Variants in SHANK2 observed in about 807,000 individuals in gnomAD.
SHANK2 encodes SH3 and multiple ankyrin repeat domains protein 2.
In SHANK2, 43 loss-of-function variants were observed where a neutral mutation model predicts 133.7. The ratio of observed to expected loss-of-function variants is 0.32; its 90% confidence interval spans 0.25 to 0.41. The LOEUF (loss-of-function observed/expected upper bound fraction) is 0.41. SHANK2 is among the 10% of genes least tolerant of loss of function. The pLI is 1.00. For synonymous variants in SHANK2, 1,017 were observed against 952.8 expected (o/e 1.07, Z -1.24); for missense variants, 1,994 against 2,235.8 (o/e 0.89, Z 2.18).
chr11:71,135,810 C>T (rs1952427881), intron 3 of SHANK2, among the ~76,000 whole-genome samples: 1 of 152,140 alleles, frequency 6.6e-6, no homozygotes. Flanking sequence ...GAGGGCTGGG[C>T]TCAGCGGTGG....
chr11:71,126,377 C>A (rs1233095787), intron 3 of SHANK2, among the ~76,000 whole-genome samples: 3 of 152,158 alleles, frequency 2.0e-5, no homozygotes, highest in African/African-American at 7.2e-5. Context: ...AAAAGAGATT[C>A]TTTTCCAAAT....
intron 17 of SHANK2, among the ~76,000 whole-genome samples, chr11:70,636,473 ATG>A (rs1256918586): frequency 2.1e-5 from 3 of 143,670 alleles, no homozygotes; most frequent in Non-Finnish European, 4.5e-5. Flanking sequence ...GCATCTGTGT[ATG>A]TGTAAGCACG....
chr11:70,595,613 C>T (rs182393957), intron 17 of SHANK2, among the ~76,000 whole-genome samples: 53 of 152,340 alleles, frequency 3.5e-4, no homozygotes, highest in African/African-American at 1.1e-3. Context: ...AGGGCTTCCA[C>T]GGCTCAGGTT....
At chr11:70,551,493 C>A (rs1439135708) in intron 17 of SHANK2, among the ~76,000 whole-genome samples, 2 of 152,224 alleles carry the variant, frequency 1.3e-5, no homozygotes, top group Admixed American at 1.3e-4. Context: ...ATGGCGACCG[C>A]ATGCCTGTTA....
In SHANK2 at chr11:70,830,004, G is replaced by C. The variant is rs781940611; in HGVS notation, c.1175-9322C>G. Among the ~76,000 whole-genome samples, 4 of 152,134 alleles carry C rather than the reference G, an allele frequency of 2.6e-5. No individual in the cohort carries two copies. Among genetic ancestry groups the C allele is most frequent in the Non-Finnish European group, 4.4e-5 (3 of 68,024 alleles). ...CACAGGGGTTCTCACTGTCAGACGCGGGCAGCAGCCTGTAAGAGCCTCCTT... is the reference window on the plus strand; with the variant it reads ...CACAGGGGTTCTCACTGTCAGACGCCGGCAGCAGCCTGTAAGAGCCTCCTT... On this transcript the variant is annotated intron_variant, in intron 11 of 25. Coordinates refer to ENST00000601538, the MANE Select transcript of SHANK2 (RefSeq NM_012309.5). This position sits in a 1 kb window ranked among gnomAD's most constrained non-coding sequence, Gnocchi z 4.4.
At chr11:71,229,765 G>GAAAAAAAAAAAAAAAA (rs55730780) in intron 1 of SHANK2, among the ~76,000 whole-genome samples, 22 of 116,426 alleles carry the variant, frequency 1.9e-4, no homozygotes, top group Non-Finnish European at 2.6e-4. Flanking sequence ...TCTCAAAAAA[G>GAAAAAAAAAAAAAAAA]AAAAAAAAAA....
At chr11:71,126,481 C>T (rs782803994) in intron 3 of SHANK2, among the ~76,000 whole-genome samples, 3 of 152,134 alleles carry the variant, frequency 2.0e-5, no homozygotes, top group Non-Finnish European at 4.4e-5. Context: ...ACACAATATC[C>T]ATTTTGCAGT....
At chr11:70,845,516 G>A (rs944131211) in intron 11 of SHANK2, among the ~76,000 whole-genome samples, 24 of 152,064 alleles carry the variant, frequency 1.6e-4, no homozygotes, top group African/African-American at 5.1e-4. Context: ...GGGCCAGCAC[G>A]GGGCCATCTT....
intron 3 of SHANK2, among the ~76,000 whole-genome samples, chr11:71,138,982 C>T (rs1952501166): frequency 6.6e-6 from 1 of 152,060 alleles, no homozygotes; most frequent in African/African-American, 2.4e-5. Flanking sequence ...AGTGACTGTA[C>T]AGGCGGGGAG....
chr11:70,496,938 C>T lies in SHANK2; in HGVS notation c.2308+3632G>A, dbSNP rs76844905. ...GCTGGTCATGTCATTGAAGGTGCAT[C>T]CCTGAAACTGTGGCCACCTTGCCTG... On this transcript the variant is annotated intron_variant, in intron 21 of 25. Coordinates refer to ENST00000601538, the MANE Select transcript of SHANK2 (RefSeq NM_012309.5). The T allele has an allele frequency of 5.1e-3, 2,335 of 456,548 alleles. 33 individuals carry two copies. Among genetic ancestry groups the T allele is most frequent in the African/African-American group, 0.035 (1,773 of 50,184 alleles). The allele number at this position is 456,548 out of a possible 1,614,324, so 28.3% of individuals were successfully genotyped here.
At chr11:70,572,850 A>G (rs1015655234) in intron 17 of SHANK2, among the ~76,000 whole-genome samples, 4 of 152,182 alleles carry the variant, frequency 2.6e-5, no homozygotes. Context: ...GCCGTCTCTC[A>G]AACTTACACA....
Position 70,486,747 on chromosome 11 carries a change from G to A in SHANK2, c.3546C>T (p.Pro1182=), listed in dbSNP as rs781788920. 7 of 1,610,518 alleles carry A rather than the reference G, an allele frequency of 4.3e-6. No homozygotes were observed. The highest frequency in any genetic ancestry group is 2.2e-5 in the East Asian group (1 of 44,870). Residue 1182 remains proline, a synonymous_variant, in exon 25 of 26, where the codon CCC becomes CCT. Coordinates refer to ENST00000601538, the MANE Select transcript of SHANK2 (RefSeq NM_012309.5). The surrounding 1 kb of genome is among the most constrained non-coding windows in gnomAD (Gnocchi z 8.0). ...CGGAGGGCACTGCTGGGCTGCTCTC[G>A]GGCCCCTGGGCTTTGGACGTGGAAT... ...PLNSTSKAQG[P]ESSPAVPSAS... is the part of the protein sequence containing the mutation.
chr11:71,237,320 G>A (rs1383186450), intron 1 of SHANK2, among the ~76,000 whole-genome samples: 3 of 152,126 alleles, frequency 2.0e-5, no homozygotes, highest in Non-Finnish European at 4.4e-5. Flanking sequence ...GCCAATTCTA[G>A]CCCCAGCCTG....
chr11:70,882,292 G>A lies in SHANK2; in HGVS notation c.1174+14209C>T, dbSNP rs575468559. 6.6e-5 allele frequency among the ~76,000 whole-genome samples: 10 copies of A among 152,160 alleles called. No homozygotes were observed. Among genetic ancestry groups the A allele is most frequent in the Non-Finnish European group, 1.0e-4 (7 of 68,024 alleles). ...AGTGTTTCCAGGCCTGGTGAGCTCC[G>A]GGGTGGGACGGGAGAGGGGCCACTG... On this transcript the variant is annotated intron_variant, in intron 11 of 25. Coordinates refer to ENST00000601538, the MANE Select transcript of SHANK2 (RefSeq NM_012309.5). The surrounding 1 kb of genome is among the most constrained non-coding windows in gnomAD (Gnocchi z 4.2).
intron 4 of SHANK2, among the ~76,000 whole-genome samples, chr11:71,117,081 A>G (rs1225138472): frequency 6.6e-6 from 1 of 152,094 alleles, no homozygotes; most frequent in African/African-American, 2.4e-5. Context: ...GTGCAATGGC[A>G]CCATCTTGGC....
chr11:71,127,439 A>G (rs550544404), intron 3 of SHANK2, among the ~76,000 whole-genome samples: 3 of 152,330 alleles, frequency 2.0e-5, no homozygotes, highest in East Asian at 1.9e-4. Context: ...CTACAGAGAA[A>G]TCGTTCGTGA....
At chr11:70,884,545 C>G (rs1949707531) in intron 11 of SHANK2, among the ~76,000 whole-genome samples, 1 of 152,238 alleles carries the variant, frequency 6.6e-6, no homozygotes, top group African/African-American at 2.4e-5. Flanking sequence ...CATCTCCCAG[C>G]TGCTGGAGGA....
At chr11:70,814,112 T>C (rs1398238744) in intron 12 of SHANK2, among the ~76,000 whole-genome samples, 3 of 152,116 alleles carry the variant, frequency 2.0e-5, no homozygotes, top group African/African-American at 7.2e-5. Flanking sequence ...TCACCTGACA[T>C]CAGGAGTTGG....
rs568935181 is a variant in SHANK2 at position 71,220,241 on chromosome 11, GAAAC to G, written c.-13+4452_-13+4455del. Among the ~76,000 whole-genome samples the G allele has an allele frequency of 5.9e-3, 903 of 152,066 alleles. 5 individuals carry two copies. The highest frequency in any genetic ancestry group is 0.017 in the Middle Eastern group (5 of 294). On this transcript the variant is annotated intron_variant, in intron 2 of 25. Coordinates refer to ENST00000601538, the MANE Select transcript of SHANK2 (RefSeq NM_012309.5). ...CAGAGTGAGACCCAGTCTCAAAACA[GAAAC>G]AAACAAACAAACAAACAAACAAAAC...
Sources: gnomAD v4.1 joint callset for allele counts (sites outside exome capture counted in the v4.1 genomes callset) on GRCh38, gnomAD v4.1.1 for gene constraint, Gnocchi (gnomAD v3.1) non-coding constraint, MANE v1.5 for transcripts, NCBI Gene and HGNC (gene_info 2026-07-23, HGNC 2026-07-21) for gene names.